The following MYH13 variants were observed in gnomAD, a reference collection of about 807,000 sequenced individuals.
MYH13 encodes the protein myosin heavy chain 13.
A neutral mutation model predicts 232.1 loss-of-function variants in MYH13; 177 were observed. The ratio of observed to expected loss-of-function variants is 0.76; its 90% CI spans 0.67 to 0.86. The LOEUF (loss-of-function observed/expected upper bound fraction) is 0.86, where lower values mean the gene tolerates loss of function less well. Among genes scored for constraint, MYH13 ranks in the 40% least tolerant of loss-of-function variants. The pLI, the probability that MYH13 is intolerant of heterozygous loss-of-function variation, is 0.00. For synonymous variants in MYH13, 884 were observed against 923.5 expected (o/e 0.96, Z 0.78); for missense variants, 2,246 against 2,405.9 (o/e 0.93, Z 1.39).
At position 10,357,781 on chromosome 17, in the gene MYH13, G is replaced by A; in HGVS notation, c.692C>T (p.Ala231Val). The change falls in exon 8 of 41, where the codon GCC becomes GTC. Residue 231 changes from alanine (A) to valine (V), a missense_variant. Transcript: ENST00000252172. ...QIIQANPLLE[A>V]FGNAKTVRND... ...CCTCACAGTCTTGGCATTTCCAAAG[G>A]CCTCCAGCAGTGGGTTGGCCTGGAT... is the stretch of plus-strand genomic sequence containing the variant. The A allele has an allele frequency of 6.2e-7, 1 of 1,613,978 alleles. No homozygotes were observed. Among genetic ancestry groups the A allele is most frequent in the Non-Finnish European group, 8.5e-7 (1 of 1,179,924 alleles).
chr17:10,306,387 A>T lies in MYH13; in HGVS notation c.5466+72T>A. ...ATTCATTCAGTGGCCTTTTCCCACC[A>T]TCTCAGTTTCTGGACTGTGGTTCTG... is the stretch of plus-strand genomic sequence containing the variant. On this transcript the variant is annotated intron_variant, in intron 37 of 40. Coordinates refer to ENST00000252172, the MANE Select transcript of MYH13 (RefSeq NM_003802.3). This position sits in a 1 kb window ranked among gnomAD's most constrained non-coding sequence, Gnocchi z 4.3. The T allele has an allele frequency of 1.3e-6, 2 of 1,591,564 alleles. No individual in the cohort carries two copies. Among genetic ancestry groups the T allele is most frequent in the Non-Finnish European group, 8.6e-7 (1 of 1,166,912 alleles).
chr17:10,323,307 T>C (rs998175514), intron 23 of MYH13, among the ~76,000 whole-genome samples: 1 of 152,202 alleles, frequency 6.6e-6, no homozygotes, highest in African/African-American at 2.4e-5. Flanking sequence ...AGTCAATCCT[T>C]GGTGTTATCC....
At chr17:10,341,358 G>A (rs2071618459) in intron 16 of MYH13, 7 of 152,080 alleles carry the variant, frequency 4.6e-5, no homozygotes, top group Admixed American at 4.6e-4. Context: ...GGCAATGTTT[G>A]TAGTTTCTTT....
intron 5 of MYH13, among the ~76,000 whole-genome samples, chr17:10,360,396 G>C (rs891287622): frequency 5.9e-5 from 9 of 152,148 alleles, no homozygotes; most frequent in African/African-American, 1.7e-4. Context: ...CAGCCTGGGA[G>C]GTGAATGATT....
chr17:10,311,262 C>A (rs772474996), intron 32 of MYH13, 35 bp from the exon 33 acceptor site: 1 of 1,612,526 alleles, frequency 6.2e-7, no homozygotes, highest in Non-Finnish European at 8.5e-7. Context: ...GCTGTTTCAA[C>A]AGGCTCCAGT....
intron 39 of MYH13, among the ~76,000 whole-genome samples, chr17:10,302,574 A>G (rs1906131967): frequency 6.6e-6 from 1 of 152,198 alleles, no homozygotes; most frequent in Admixed American, 6.5e-5. Context: ...TAAAAGGATA[A>G]GCTCCTCCCC....
At chr17:10,348,942 C>T (rs1295197047) in intron 12 of MYH13, among the ~76,000 whole-genome samples, 2 of 152,014 alleles carry the variant, frequency 1.3e-5, no homozygotes, top group Non-Finnish European at 2.9e-5. Flanking sequence ...ACTCACTGTG[C>T]CTCCATCCCC....
intron 2 of MYH13, among the ~76,000 whole-genome samples, chr17:10,367,872 C>T (rs1249181904): frequency 6.6e-6 from 1 of 152,084 alleles, no homozygotes; most frequent in Non-Finnish European, 1.5e-5. Context: ...TTTTAGTCAC[C>T]TTTTCAAATA....
Position 10,354,660 on chromosome 17 carries a change from CAAAT to C in MYH13, c.1005+16_1005+19del. 1 of 1,598,996 alleles carries C rather than the reference CAAAT, an allele frequency of 6.3e-7. No individual in the cohort carries two copies. Among genetic ancestry groups the C allele is most frequent in the Non-Finnish European group, 8.6e-7 (1 of 1,167,252 alleles). On this transcript the variant is annotated intron_variant, in intron 11 of 40. Transcript: ENST00000252172. ...CTCAATAATTCTGTGCATAAACAGA[CAAAT>C]AAATGGCATGCTTACATCTGTCGCC...
chr17:10,306,402 CT>C lies in MYH13; in HGVS notation c.5466+56del. The stretch of plus-strand genomic sequence containing the variant: ...TTTTCCCACCATCTCAGTTTCTGGA[CT>C]GTGGTTCTGTCCGAGGCTGTCACTT... On this transcript the variant is annotated intron_variant, in intron 37 of 40. Coordinates refer to ENST00000252172, the MANE Select transcript of MYH13 (RefSeq NM_003802.3). The surrounding 1 kb of genome is among the most constrained non-coding windows in gnomAD (Gnocchi z 4.3). 1 of 1,608,268 alleles carries C rather than the reference CT, an allele frequency of 6.2e-7. No individual in the cohort carries two copies.
Position 10,320,233 on chromosome 17 carries a change from C to A in MYH13, c.3268G>T (p.Glu1090Ter). The change falls in exon 26 of 41, where the codon GAA becomes TAA. Residue 1090 changes from glutamate to a stop codon, truncating the protein, a stop_gained. Coordinates refer to ENST00000252172, the MANE Select transcript of MYH13 (RefSeq NM_003802.3). LOFTEE classifies it high-confidence loss of function. ...ATTTTGGCTTGTAACTGACTGAGTT[C>A]AAACTCCTTCCTGCAAATAGATTAA... ...IEEKLKKKEF[E>*]LSQLQAKIDD... 6.2e-7 allele frequency: 1 copy of A among 1,603,206 alleles called. No homozygotes were observed. The highest frequency in any genetic ancestry group is 1.7e-5 in the Admixed American group (1 of 58,108).
intron 5 of MYH13, 83 bp from the exon 6 acceptor site, chr17:10,360,271 GA>G: frequency 6.8e-7 from 1 of 1,464,748 alleles, no homozygotes; most frequent in African/African-American, 1.4e-5. Context: ...GGTGGTTGGA[GA>G]ACATAGGCTC....
rs1906582567 is a variant in MYH13, at chr17:10,313,290, T to C, written c.4049A>G (p.Gln1350Arg). ...SRHDCDLLRE[Q>R]YEEEQEAKAE... ...CTTGGCTTCCTGCTCCTCCTCATAC[T>C]GTTCCCGCAGCAGGTCACAGTCGTG... The change falls in exon 30 of 41, where the codon CAG (glutamine) becomes CGG (arginine). Residue 1350 changes from glutamine (Q) to arginine (R), a missense_variant. Gln to Arg is a conservative substitution (Grantham distance 43, BLOSUM62 1). Transcript: ENST00000252172. The C allele has an allele frequency of 6.2e-7, 1 of 1,614,262 alleles. No homozygotes were observed. Among genetic ancestry groups the C allele is most frequent in the South Asian group, 1.1e-5 (1 of 91,090 alleles).
Position 10,306,928 on chromosome 17 carries a change from A to G in MYH13, c.5295+11T>C, listed in dbSNP as rs747658807. On this transcript the variant is annotated intron_variant, in intron 36 of 40. Transcript: ENST00000252172. This position sits in a 1 kb window ranked among gnomAD's most constrained non-coding sequence, Gnocchi z 4.3. ...CAAACCCCATCTCTGAAAAGGAAGA[A>G]CAGAGCTCACATCCGTGATGGCCTT... The G allele has an allele frequency of 3.7e-6, 6 of 1,612,928 alleles. No homozygotes were observed. The highest frequency in any genetic ancestry group is 5.1e-6 in the Non-Finnish European group (6 of 1,179,930).
In MYH13 at chr17:10,328,110, A is replaced by T; in HGVS notation, c.2447T>A (p.Phe816Tyr). The part of the protein sequence containing the change: ...KKMMERRDSI[F>Y]CIQYNIRSFM... ...AGAGCGGATGTTGTACTGGATGCAG[A>T]AGATGGAGTCCCTGTACACCCATTA... is the stretch of plus-strand genomic sequence containing the variant. The change falls in exon 22 of 41, where the codon TTC becomes TAC. Residue 816 changes from phenylalanine to tyrosine, a missense_variant. Phe to Tyr is a conservative substitution (Grantham distance 22). Coordinates refer to ENST00000252172, the MANE Select transcript of MYH13 (RefSeq NM_003802.3). The T allele has an allele frequency of 1.2e-6, 2 of 1,613,936 alleles. No homozygotes were observed. The highest frequency in any genetic ancestry group is 1.7e-6 in the Non-Finnish European group (2 of 1,179,950).
chr17:10,309,172 G>C, intron 35 of MYH13, 62 bp downstream of exon 35: 1 of 1,513,976 alleles, frequency 6.6e-7, no homozygotes, highest in Non-Finnish European at 8.9e-7. Flanking sequence ...GCAGCTGCAC[G>C]GTGCAGGAGG....
chr17:10,329,808 C>A (rs1907347575), intron 21 of MYH13, among the ~76,000 whole-genome samples: 1 of 152,122 alleles, frequency 6.6e-6, no homozygotes, highest in Non-Finnish European at 1.5e-5. Context: ...CATGGTGAAA[C>A]CCCATCTCTA....
rs1230848454 is a variant in MYH13, at chr17:10,354,944, G to A, written c.852C>T (p.Ser284=). Residue 284 remains serine, a synonymous_variant, in exon 10 of 41, where the codon AGC becomes AGT. Coordinates refer to ENST00000252172, the MANE Select transcript of MYH13 (RefSeq NM_003802.3). ...RVTFQLSSER[S]YHIFYQIMSN... is the part of the protein sequence containing the mutation. Reference sequence around the variant, plus strand: ...ACATAATTTGGTAGAAAATATGATAGCTTCTCTCACTGGATAATTGAAACG... The same window carrying A: ...ACATAATTTGGTAGAAAATATGATAACTTCTCTCACTGGATAATTGAAACG... The A allele has an allele frequency of 5.0e-6, 8 of 1,607,948 alleles. No individual in the cohort carries two copies. In the Admixed American group the frequency reaches 1.3e-4, roughly 27 times the overall value.
intron 2 of MYH13, among the ~76,000 whole-genome samples, chr17:10,368,294 G>C (rs901862664): frequency 3.9e-5 from 6 of 152,168 alleles, no homozygotes; most frequent in African/African-American, 1.4e-4. Flanking sequence ...TATAACAAAT[G>C]CTGTCAGTTT....
Sources: allele counts gnomAD v4.1 joint callset (sites outside exome capture counted in the v4.1 genomes callset), GRCh38; gene constraint gnomAD v4.1.1; non-coding constraint Gnocchi (gnomAD v3.1); transcripts MANE v1.5; gene names NCBI Gene and HGNC (gene_info 2026-07-23, HGNC 2026-07-21).